Variants in PTPRA observed in about 807,000 individuals in gnomAD.
The protein encoded by PTPRA is receptor-type tyrosine-protein phosphatase alpha.
A neutral mutation model predicts 104.8 loss-of-function variants in PTPRA; 25 were observed. That is an observed-to-expected ratio of 0.24 (90% CI 0.17 to 0.33). The LOEUF is 0.33. Ranked by LOEUF, PTPRA falls within the 10% of genes least tolerant of loss-of-function variation. The pLI is 1.00. For synonymous variants in PTPRA, 323 were observed against 368.9 expected (o/e 0.88, Z 1.43); for missense variants, 765 against 1,015.3 (o/e 0.75, Z 3.35).
chr20:2,885,954 C>T (rs953431993), intron 1 of PTPRA, among the ~76,000 whole-genome samples: 17 of 152,300 alleles, frequency 1.1e-4, no homozygotes, highest in South Asian at 4.1e-4. Flanking sequence ...ATCCCAGCTA[C>T]TCGGGAGGCT....
chr20:2,881,178 G>A (rs1202972214), intron 1 of PTPRA, among the ~76,000 whole-genome samples: 1 of 151,650 alleles, frequency 6.6e-6, no homozygotes, highest in Admixed American at 6.6e-5. Flanking sequence ...GTGGTGGCGT[G>A]TGCCTCTGGG....
intron 2 of PTPRA, among the ~76,000 whole-genome samples, chr20:2,934,155 G>A (rs1441492279): frequency 3.3e-5 from 5 of 152,154 alleles, no homozygotes; most frequent in African/African-American, 9.7e-5. Context: ...CCAGGCTGGA[G>A]TACAGTGGCA....
chr20:2,995,593 CT>C (rs1205980754), intron 9 of PTPRA, among the ~76,000 whole-genome samples: 13 of 152,258 alleles, frequency 8.5e-5, no homozygotes, highest in Non-Finnish European at 1.5e-4. Context: ...TGGGTCCTCT[CT>C]TTTATCATCA....
At chr20:3,014,689 A>T (rs1432295972) in intron 11 of PTPRA, among the ~76,000 whole-genome samples, 11 of 151,932 alleles carry the variant, frequency 7.2e-5, no homozygotes, top group Non-Finnish European at 1.5e-5. Flanking sequence ...CACTTCTTAT[A>T]TTTGGCCACT....
intron 2 of PTPRA, among the ~76,000 whole-genome samples, chr20:2,944,039 CTTT>C (rs398061270): frequency 2.4e-5 from 3 of 127,586 alleles, no homozygotes; most frequent in Non-Finnish European, 3.4e-5. Context: ...CTCTACTGGT[CTTT>C]TTTTTTTTTT....
upstream of PTPRA, among the ~76,000 whole-genome samples, chr20:2,868,510 G>A (rs1171837411): frequency 2.0e-5 from 3 of 150,664 alleles, no homozygotes; most frequent in Middle Eastern, 3.4e-3. Context: ...GAAATACTGT[G>A]GCTAGGTTTT....
At chr20:2,916,231 G>A (rs1226496997) in intron 1 of PTPRA, among the ~76,000 whole-genome samples, 1 of 151,904 alleles carries the variant, frequency 6.6e-6, no homozygotes, top group African/African-American at 2.4e-5. Flanking sequence ...CTAGAGATGG[G>A]GTTTCACTAT....
rs998380988 is a variant in PTPRA at position 3,037,782 on chromosome 20, C to T, written c.2335-277C>T. ...AGCCATGGTAAGCGTGGGCCATGCT[C>T]AGCTGCACTGTCTCCCAGCCCAGCA... On this transcript the variant is annotated intron_variant, in intron 23 of 23. Transcript: ENST00000399903. The surrounding 1 kb of genome is among the most constrained non-coding windows in gnomAD (Gnocchi z 4.3). Among the ~76,000 whole-genome samples the T allele has an allele frequency of 1.3e-5, 2 of 152,164 alleles. No individual in the cohort carries two copies. The highest frequency in any genetic ancestry group is 4.8e-5 in the African/African-American group (2 of 41,438).
At chr20:2,909,777 GATAAT>G (rs1318206602) in intron 1 of PTPRA, among the ~76,000 whole-genome samples, 71 of 126,924 alleles carry the variant, frequency 5.6e-4, no homozygotes, top group South Asian at 2.3e-3. Flanking sequence ...TATATTATAA[GATAAT>G]ATAATATATA....
At chr20:2,893,345 T>G (rs1053129347) in intron 1 of PTPRA, among the ~76,000 whole-genome samples, 4 of 152,206 alleles carry the variant, frequency 2.6e-5, no homozygotes, top group Non-Finnish European at 5.9e-5. Context: ...GAGTATAAAG[T>G]ATAATCAACT....
intron 11 of PTPRA, among the ~76,000 whole-genome samples, chr20:3,007,830 G>C (rs6076460): frequency 2.1e-4 from 6 of 29,002 alleles, no homozygotes; most frequent in African/African-American, 9.4e-4. Context: ...GTGTGTGTCT[G>C]TGTGTGTGTA....
upstream of PTPRA, chr20:2,873,351 C>T (rs1341622136): frequency 3.9e-5 from 6 of 152,202 alleles, no homozygotes; most frequent in East Asian, 5.8e-4. This position sits in a 1 kb window ranked among gnomAD's most constrained non-coding sequence, Gnocchi z 4.4. Flanking sequence ...GTTCGGCGCC[C>T]CAGCCGGCAA....
Position 3,035,980 on chromosome 20 carries a change from G to A in PTPRA, c.2198+39G>A, listed in dbSNP as rs757947138. 8.6e-5 allele frequency: 138 copies of A among 1,611,386 alleles called. No individual in the cohort carries two copies. Among genetic ancestry groups the A allele is most frequent in the Non-Finnish European group, 1.1e-4 (127 of 1,179,226 alleles). ...TTGCCCTCAGCGGGAGAGAGAAAGCGAGGAGGGGCAGATAGGGGAAGCTGA... is the reference window on the plus strand; with the variant it reads ...TTGCCCTCAGCGGGAGAGAGAAAGCAAGGAGGGGCAGATAGGGGAAGCTGA... On this transcript the variant is annotated intron_variant, in intron 22 of 23. Coordinates refer to ENST00000399903, the MANE Select transcript of PTPRA (RefSeq NM_001385305.1). This position sits in a 1 kb window ranked among gnomAD's most constrained non-coding sequence, Gnocchi z 5.8.
chr20:2,887,107 C>A (rs1446581755), intron 1 of PTPRA, among the ~76,000 whole-genome samples: 1 of 151,918 alleles, frequency 6.6e-6, no homozygotes, highest in Non-Finnish European at 1.5e-5. Flanking sequence ...TTAAATTGCT[C>A]TATAATATAT....
In PTPRA at chr20:2,873,741, C is replaced by T. The variant is rs1350536546; in HGVS notation, c.-148C>T. The T allele has an allele frequency of 6.6e-6, 1 of 151,892 alleles. No homozygotes were observed. Among genetic ancestry groups the T allele is most frequent in the African/African-American group, 2.4e-5 (1 of 41,406 alleles). The allele number at this position is 151,892 out of a possible 1,614,324, so 9.4% of individuals were successfully genotyped here. A position where few individuals can be genotyped will look rare whatever the true frequency, so the allele number is the denominator to read the frequency against. ...AGCCGCTGTCCTCGTCCCCAGCGGT[C>T]CCGCCCAACGCCCGACTCTGTGAGT... On this transcript the variant is annotated 5_prime_UTR_variant, in exon 1 of 24. Coordinates refer to ENST00000399903, the MANE Select transcript of PTPRA (RefSeq NM_001385305.1). The surrounding 1 kb of genome is among the most constrained non-coding windows in gnomAD (Gnocchi z 4.4).
At chr20:2,894,009 A>C (rs1473073002) in intron 1 of PTPRA, among the ~76,000 whole-genome samples, 5 of 152,140 alleles carry the variant, frequency 3.3e-5, no homozygotes. Context: ...CATCTTTTTC[A>C]AGAAAGTTTT....
intron 11 of PTPRA, among the ~76,000 whole-genome samples, chr20:3,013,681 G>A (rs899552138): frequency 6.6e-6 from 1 of 152,068 alleles, no homozygotes; most frequent in African/African-American, 2.4e-5. Context: ...AAAGTGTTGG[G>A]ATTAGAGGCA....
chr20:2,865,785 G>T, the PTPRA span: 2 of 496,812 alleles, frequency 4.0e-6, no homozygotes, highest in Non-Finnish European at 7.2e-6. The surrounding 1 kb of genome is among the most constrained non-coding windows in gnomAD (Gnocchi z 5.2). Context: ...TCTTGTCTGA[G>T]GAGGGTGGAG....
chr20:2,958,126 A>G (rs1305881158), intron 3 of PTPRA, among the ~76,000 whole-genome samples: 1 of 152,206 alleles, frequency 6.6e-6, no homozygotes, highest in African/African-American at 2.4e-5. Context: ...AAGATAGAGC[A>G]GAGATATTGA....
Sources: gnomAD v4.1 joint callset for allele counts (sites outside exome capture counted in the v4.1 genomes callset) on GRCh38, gnomAD v4.1.1 for gene constraint, Gnocchi (gnomAD v3.1) non-coding constraint, MANE v1.5 for transcripts, NCBI Gene and HGNC (gene_info 2026-07-23, HGNC 2026-07-21) for gene names.